The following UNC13D variants were observed in gnomAD, a reference collection of about 807,000 sequenced individuals.
The protein encoded by UNC13D is unc-13 homolog D.
Under a neutral mutation model 151.7 loss-of-function variants are expected in UNC13D, and 115 were observed. The ratio of observed to expected loss-of-function variants is 0.76; its 90% CI spans 0.65 to 0.88. The LOEUF is 0.88. Ranked by LOEUF, UNC13D falls within the 40% of genes least tolerant of loss-of-function variation. UNC13D has a pLI of 0.00. For synonymous variants in UNC13D, 588 were observed against 612.2 expected (o/e 0.96, Z 0.58); for missense variants, 1,369 against 1,438.7 (o/e 0.95, Z 0.78).
At chr17:75,841,198 TGCAGTG>T in intron 6 of UNC13D, 197 bp from the exon 7 acceptor site, 1 of 563,882 alleles carries the variant, frequency 1.8e-6, no homozygotes, top group South Asian at 2.0e-5. Context: ...GCTGGAGGAG[TGCAGTG>T]GCAGGATCTA....
chr17:75,834,698 G>A lies in UNC13D; in HGVS notation c.2011C>T (p.Leu671=). ...KFVEDTCRLA[L]VYCSLIKARA... Reference sequence around the variant, plus strand: ...GCCTTTATAAGGCTGCAGTACACCAGGGCCAGGCGACAGGTGTCCTAGGGT... The same window carrying A: ...GCCTTTATAAGGCTGCAGTACACCAAGGCCAGGCGACAGGTGTCCTAGGGT... Residue 671 remains leucine, a synonymous_variant, in exon 22 of 32, where the codon CTG becomes TTG. Coordinates refer to ENST00000207549, the MANE Select transcript of UNC13D (RefSeq NM_199242.3). The A allele has an allele frequency of 6.2e-7, 1 of 1,613,728 alleles. No homozygotes were observed. Among genetic ancestry groups the A allele is most frequent in the Non-Finnish European group, 8.5e-7 (1 of 1,180,032 alleles).
intron 31 of UNC13D, 61 bp downstream of exon 31, chr17:75,828,726 C>T: frequency 7.0e-7 from 1 of 1,436,554 alleles, no homozygotes; most frequent in South Asian, 1.5e-5. Flanking sequence ...CTCTCTGGGG[C>T]CCCTGCCTGA....
chr17:75,831,663 T>C, intron 25 of UNC13D: 1 of 443,852 alleles, frequency 2.3e-6, no homozygotes. Context: ...GTGACAACCA[T>C]GATTTAAGAC....
At position 75,831,239 on chromosome 17, in the gene UNC13D, T is replaced by C. The variant is rs756051052; in HGVS notation, c.2553+4A>G. 9.3e-6 allele frequency: 15 copies of C among 1,614,082 alleles called. No homozygotes were observed. The highest frequency in any genetic ancestry group is 1.3e-5 in the Non-Finnish European group (15 of 1,180,004). ...GTTATCATTGCTGTGACCGGTTCTG[T>C]TACCTGCAGGGCAATCTTCAGCCTG... On this transcript the variant is annotated splice_donor_region_variant and intron_variant, in intron 26 of 31. Transcript: ENST00000207549.
chr17:75,830,319 A>G lies in UNC13D; in HGVS notation c.2830+43T>C, dbSNP rs114246714. ...CCAGGGTCGCTGAGACAGGAGGGCC[A>G]GGACGGGACCATGGAGAGTGGCCAA... On this transcript the variant is annotated intron_variant, in intron 29 of 31. Coordinates refer to ENST00000207549, the MANE Select transcript of UNC13D (RefSeq NM_199242.3). 5,250 of 1,584,562 alleles carry G rather than the reference A, an allele frequency of 3.3e-3. 164 individuals are homozygous for G. In the African/African-American group the frequency reaches 0.063, roughly 19 times the overall value.
intron 27 of UNC13D, 141 bp from the exon 28 acceptor site, chr17:75,830,802 C>T: frequency 1.8e-6 from 2 of 1,102,900 alleles, no homozygotes; most frequent in Non-Finnish European, 2.6e-6. Flanking sequence ...GGGCTGGGGC[C>T]ACCCTCAGGC....
At position 75,840,140 on chromosome 17, in the gene UNC13D, G is replaced by A. The variant is rs879895440; in HGVS notation, c.859-30C>T. ...AATGAGGCCTCTGTGAGCAGACAGG[G>A]CCTCACACTGGGTGCAGCCAGCCCC... On this transcript the variant is annotated intron_variant, in intron 10 of 31. Transcript: ENST00000207549. This position sits in a 1 kb window ranked among gnomAD's most constrained non-coding sequence, Gnocchi z 4.6. 3 of 1,611,552 alleles carry A rather than the reference G, an allele frequency of 1.9e-6. No homozygotes were observed. Among genetic ancestry groups the A allele is most frequent in the African/African-American group, 1.3e-5 (1 of 74,906 alleles).
In UNC13D at chr17:75,830,092, C is replaced by T. The variant is rs766306470; in HGVS notation, c.2890G>A (p.Ala964Thr). Residue 964 changes from alanine to threonine, a missense_variant, in exon 30 of 32, where the codon GCC becomes ACC. Coordinates refer to ENST00000207549, the MANE Select transcript of UNC13D (RefSeq NM_199242.3). Reference protein sequence around the residue: ...LEPRHEFPELAARETQKHKKD... With the variant: ...LEPRHEFPELTARETQKHKKD... ...TTGTGCTTCTGGGTCTCCCGGGCGG[C>T]CAGCTCAGGGAACTCATGCCTGGGC... 1 of 1,581,670 alleles carries T rather than the reference C, an allele frequency of 6.3e-7. No individual in the cohort carries two copies. Among genetic ancestry groups the T allele is most frequent in the South Asian group, 1.2e-5 (1 of 86,362 alleles).
rs775232059 is a variant in UNC13D, at chr17:75,840,547, C to T, written c.713G>A (p.Gly238Asp). The change falls in exon 9 of 32, where the codon GGC becomes GAC. Residue 238 changes from glycine (G) to aspartate (D), a missense_variant. Gly to Asp is a moderately conservative substitution (Grantham distance 94). Around this residue, in one of 3 missense-constraint regions of UNC13D, gnomAD observed 550 missense variants for 609.0 expected, o/e 0.90. Coordinates refer to ENST00000207549, the MANE Select transcript of UNC13D (RefSeq NM_199242.3). This position sits in a 1 kb window ranked among gnomAD's most constrained non-coding sequence, Gnocchi z 4.6. ...CACGTTCCCCAGAAAGTCGTCCTGG[C>T]CTTTGTCCTTCCGGGCCTCTTTAAA... ...RIFKEARKDK[G>D]QDDFLGNVVL... 4.3e-6 allele frequency: 7 copies of T among 1,614,094 alleles called. No homozygotes were observed. In the Admixed American group the frequency reaches 1.2e-4, roughly 27 times the overall value.
rs371673783 is a variant in UNC13D, at chr17:75,835,383, GC to G, written c.1848+25del. The G allele has an allele frequency of 2.6e-5, 42 of 1,606,128 alleles. No homozygotes were observed. In the East Asian group the frequency reaches 3.6e-4, roughly 14 times the overall value. ...AGCCTCACCCCCAAACCGGGGCCCC[GC>G]CCCCTGCCCTGGCCACGCCCCCACC... is the stretch of plus-strand genomic sequence containing the variant. On this transcript the variant is annotated intron_variant, in intron 20 of 31. Coordinates refer to ENST00000207549, the MANE Select transcript of UNC13D (RefSeq NM_199242.3).
At chr17:75,839,695 G>T in intron 12 of UNC13D, 144 bp downstream of exon 12, 1 of 876,876 alleles carries the variant, frequency 1.1e-6, no homozygotes, top group Non-Finnish European at 1.8e-6. Context: ...TTTTAAAATT[G>T]GCAACTGATT....
At chr17:75,837,828 G>T (rs891532314) in intron 12 of UNC13D, among the ~76,000 whole-genome samples, 19 of 151,986 alleles carry the variant, frequency 1.3e-4, no homozygotes, top group African/African-American at 4.1e-4. Flanking sequence ...GCAAGCATCA[G>T]TGAGAACTTC....
chr17:75,834,201 G>A, intron 23 of UNC13D, 58 bp from the exon 24 acceptor site: 4 of 1,605,828 alleles, frequency 2.5e-6, no homozygotes, highest in African/African-American at 1.3e-5. Flanking sequence ...GGATGGAAGA[G>A]TTCCTTAGGG....
intron 16 of UNC13D, 35 bp from the exon 17 acceptor site, chr17:75,836,144 A>C: frequency 6.2e-7 from 1 of 1,612,332 alleles, no homozygotes; most frequent in Non-Finnish European, 8.5e-7. Context: ...CAGGGCTGCC[A>C]GAGGCAGGCA....
intron 6 of UNC13D, 66 bp downstream of exon 6, chr17:75,842,367 T>G: frequency 6.4e-7 from 1 of 1,566,582 alleles, no homozygotes; most frequent in South Asian, 1.2e-5. Context: ...CATCTCATTG[T>G]CTGGGGCAGA....
At position 75,843,827 on chromosome 17, in the gene UNC13D, G is replaced by A. The variant is rs959968589; in HGVS notation, c.118-308C>T. Reference sequence around the variant, plus strand: ...TGGCGGCTGCTCCTCACCCAGCAGCGGAAGTGAGGCTCGGCAGCGGAGGTG... The same window carrying A: ...TGGCGGCTGCTCCTCACCCAGCAGCAGAAGTGAGGCTCGGCAGCGGAGGTG... On this transcript the variant is annotated intron_variant, in intron 1 of 31. Transcript: ENST00000207549. The A allele has an allele frequency of 1.9e-4, 266 of 1,376,684 alleles. No homozygotes were observed. The highest frequency in any genetic ancestry group is 2.4e-4 in the Non-Finnish European group (256 of 1,062,986). The allele number at this position is 1,376,684 out of a possible 1,614,324, so 85.3% of individuals were successfully genotyped here.
chr17:75,843,326 C>A lies in UNC13D; in HGVS notation c.154-60G>T. On this transcript the variant is annotated intron_variant, in intron 2 of 31. Coordinates refer to ENST00000207549, the MANE Select transcript of UNC13D (RefSeq NM_199242.3). ...AGCCACCCCTGGCACCAACACCTCT[C>A]GCCATGGGCAGGACAAGGGCGGCTT... 1.9e-6 allele frequency: 3 copies of A among 1,594,686 alleles called. No individual in the cohort carries two copies. In the South Asian group the frequency reaches 3.3e-5, roughly 18 times the overall value.
In UNC13D at chr17:75,839,880, G is replaced by A. The variant is rs375097777; in HGVS notation, c.1014C>T (p.His338=). ...SPQAATVLFL[H]ATQKDLSDFH... Reference sequence around the variant, plus strand: ...AGTCGGATAGGTCCTTCTGTGTGGCGTGCAGAAAGAGGACGGTGGCAGCCT... The same window carrying A: ...AGTCGGATAGGTCCTTCTGTGTGGCATGCAGAAAGAGGACGGTGGCAGCCT... Residue 338 remains histidine, a synonymous_variant, in exon 12 of 32, where the codon CAC becomes CAT. Transcript: ENST00000207549. The A allele has an allele frequency of 5.1e-5, 83 of 1,613,916 alleles. No homozygotes were observed. Among genetic ancestry groups the A allele is most frequent in the East Asian group, 1.6e-4 (7 of 44,886 alleles).
intron 12 of UNC13D, among the ~76,000 whole-genome samples, chr17:75,838,968 C>T (rs1462901421): frequency 6.6e-6 from 1 of 152,192 alleles, no homozygotes; most frequent in Non-Finnish European, 1.5e-5. Context: ...GGCGCGGTGG[C>T]TGGCGCCTGT....
Sources: gnomAD v4.1 joint callset for allele counts (sites outside exome capture counted in the v4.1 genomes callset) on GRCh38, gnomAD v4.1.1 for gene constraint, gnomAD v4.1.1 regional missense constraint, Gnocchi (gnomAD v3.1) non-coding constraint, MANE v1.5 for transcripts, NCBI Gene and HGNC (gene_info 2026-07-23, HGNC 2026-07-21) for gene names.